Variants in ANK1 observed in about 807,000 individuals in gnomAD.
The protein encoded by ANK1 is ankyrin-1.
In ANK1, 51 loss-of-function variants were observed where a neutral mutation model predicts 210.4. The ratio of observed to expected loss-of-function variants is 0.24; its 90% confidence interval spans 0.19 to 0.31. The LOEUF is 0.31. Among genes scored for constraint, ANK1 ranks in the 10% least tolerant of loss-of-function variants. The pLI is 1.00. For synonymous variants in ANK1, 967 were observed against 1,025.9 expected (o/e 0.94, Z 1.10); for missense variants, 2,051 against 2,504.4 (o/e 0.82, Z 3.86).
intron 1 of ANK1, among the ~76,000 whole-genome samples, chr8:41,874,183 G>A (rs532334754): frequency 1.1e-4 from 17 of 152,332 alleles, no homozygotes; most frequent in Non-Finnish European, 2.1e-4. Flanking sequence ...CCGCACTTAG[G>A]GATGGACCAG....
At chr8:41,768,113 C>A (rs1842256829) in intron 1 of ANK1, among the ~76,000 whole-genome samples, 1 of 152,194 alleles carries the variant, frequency 6.6e-6, no homozygotes, top group African/African-American at 2.4e-5. Context: ...TGTCCTGGGA[C>A]CACTATCACC....
intron 31 of ANK1, 102 bp from the exon 32 acceptor site, chr8:41,690,701 C>CT: frequency 4.0e-6 from 6 of 1,512,320 alleles, no homozygotes; most frequent in Non-Finnish European, 5.4e-6. Context: ...CACCCTGCCT[C>CT]AGCAAGAGGC....
At chr8:41,815,907 T>C (rs915787161) in intron 1 of ANK1, among the ~76,000 whole-genome samples, 1 of 152,190 alleles carries the variant, frequency 6.6e-6, no homozygotes, top group East Asian at 1.9e-4. Context: ...TAAATAAATT[T>C]ATGTTCACCA....
At chr8:41,687,343 C>T (rs1385688939) in intron 35 of ANK1, among the ~76,000 whole-genome samples, 1 of 152,212 alleles carries the variant, frequency 6.6e-6, no homozygotes, top group Admixed American at 6.5e-5. Context: ...ACCACTCGCA[C>T]CCCCATTGTT....
chr8:41,794,639 C>T (rs1171157869), intron 1 of ANK1, among the ~76,000 whole-genome samples: 2 of 152,168 alleles, frequency 1.3e-5, no homozygotes, highest in African/African-American at 4.8e-5. Flanking sequence ...TGCTATATTC[C>T]CGGTGCCCCA....
At chr8:41,785,650 C>A (rs1024813743) in intron 1 of ANK1, among the ~76,000 whole-genome samples, 1 of 152,228 alleles carries the variant, frequency 6.6e-6, no homozygotes, top group African/African-American at 2.4e-5. Flanking sequence ...CCAGTCCCAA[C>A]CACTGCTGCC....
intron 37 of ANK1, among the ~76,000 whole-genome samples, chr8:41,674,739 C>G (rs906667696): frequency 2.0e-5 from 3 of 152,198 alleles, no homozygotes; most frequent in African/African-American, 7.2e-5. Context: ...TTCCAGGTCC[C>G]AAATGAGCGG....
chr8:41,668,594 G>C (rs371287969), intron 38 of ANK1, 30 bp from the exon 39 acceptor site: 1 of 1,600,090 alleles, frequency 6.2e-7, no homozygotes, highest in South Asian at 1.1e-5. Context: ...GCAGATGGCC[G>C]GCCGGGGAGA....
intron 1 of ANK1, among the ~76,000 whole-genome samples, chr8:41,805,260 T>A (rs1850795500): frequency 6.6e-6 from 1 of 151,788 alleles, no homozygotes; most frequent in Non-Finnish European, 1.5e-5. Flanking sequence ...TCTCTCTCTC[T>A]CTCTCTGATT....
chr8:41,688,462 A>G (rs747116620), intron 34 of ANK1, 49 bp downstream of exon 34: 26 of 1,585,342 alleles, frequency 1.6e-5, no homozygotes, highest in African/African-American at 1.3e-5. Context: ...GCTCACGCCC[A>G]CCCTTCTTGG....
At chr8:41,843,019 T>G (rs949725364) in intron 1 of ANK1, among the ~76,000 whole-genome samples, 12 of 152,106 alleles carry the variant, frequency 7.9e-5, no homozygotes, top group African/African-American at 2.9e-4. Context: ...AGCTAATTTT[T>G]GTATTTTTAA....
intron 1 of ANK1, among the ~76,000 whole-genome samples, chr8:41,831,973 T>A (rs567165711): frequency 3.6e-4 from 54 of 151,982 alleles, no homozygotes; most frequent in African/African-American, 1.2e-3. Flanking sequence ...AAAGGGAAAA[T>A]CCAGGGGTGA....
At chr8:41,891,847 C>T (rs563340399) in intron 1 of ANK1, among the ~76,000 whole-genome samples, 2 of 152,294 alleles carry the variant, frequency 1.3e-5, no homozygotes, top group African/African-American at 2.4e-5. Context: ...TAAAGTCTTG[C>T]AACAAAGAAA....
In ANK1 at chr8:41,784,430, G is replaced by A. The variant is rs185294829; in HGVS notation, c.27+13082C>T. On this transcript the variant is annotated intron_variant, in intron 1 of 42. Coordinates refer to ENST00000289734, the MANE Select transcript of ANK1 (RefSeq NM_000037.4). ...ATTTTCTGGCTTTGTAAATGTGAAC[G>A]TTAGTATATTAAGTATTCACCCCTT... Among the ~76,000 whole-genome samples, 83 of 152,284 alleles carry A rather than the reference G, an allele frequency of 5.5e-4. 1 individual carries two copies. Among genetic ancestry groups the A allele is most frequent in the African/African-American group, 1.9e-3 (80 of 41,560 alleles).
intron 1 of ANK1, among the ~76,000 whole-genome samples, chr8:41,850,099 C>A (rs1810948813): frequency 6.6e-6 from 1 of 152,152 alleles, no homozygotes; most frequent in Admixed American, 6.5e-5. Context: ...CAGCACGCTT[C>A]GTGAAGTCAC....
intron 2 of ANK1, among the ~76,000 whole-genome samples, chr8:41,735,287 C>T (rs1833144096): frequency 6.6e-6 from 1 of 152,186 alleles, no homozygotes; most frequent in African/African-American, 2.4e-5. Context: ...ATATCAATTC[C>T]AACGGATGAG....
At chr8:41,768,375 G>T (rs564295169) in intron 1 of ANK1, among the ~76,000 whole-genome samples, 29 of 152,308 alleles carry the variant, frequency 1.9e-4, no homozygotes, top group African/African-American at 7.0e-4. Context: ...TTCCTCTCCC[G>T]CTGTCCCCTG....
chr8:41,706,094 G>T, intron 18 of ANK1, 49 bp downstream of exon 18: 1 of 1,541,016 alleles, frequency 6.5e-7, no homozygotes. Flanking sequence ...CAATTCTGAA[G>T]TGTGAGCAAG....
chr8:41,862,772 G>C lies in ANK1; in HGVS notation c.126+33583C>G, dbSNP rs538063961. Among the ~76,000 whole-genome samples the C allele has an allele frequency of 1.4e-3, 208 of 152,170 alleles. 3 individuals carry two copies. Among genetic ancestry groups the C allele is most frequent in the Non-Finnish European group, 3.2e-4 (22 of 68,014 alleles). ...CACCTGTAATCCCAGCACTTTGAGA[G>C]GCTGAGGCAGGAGGATCACTTGAGG... On this transcript the variant is annotated intron_variant, in intron 1 of 42. Coordinates refer to the ANK1 transcript ENST00000265709.
Sources: gnomAD v4.1 joint callset for allele counts (sites outside exome capture counted in the v4.1 genomes callset) on GRCh38, gnomAD v4.1.1 for gene constraint, MANE v1.5 for transcripts, NCBI Gene and HGNC (gene_info 2026-07-23, HGNC 2026-07-21) for gene names.